The following KIAA1549 variants were observed in gnomAD, a reference collection of about 807,000 sequenced individuals.
KIAA1549 encodes UPF0606 protein KIAA1549.
A neutral mutation model predicts 156.4 loss-of-function variants in KIAA1549; 70 were observed. That is an observed-to-expected ratio of 0.45 (90% confidence interval 0.37 to 0.55). The LOEUF is 0.55. Among genes scored for constraint, KIAA1549 ranks in the 20% least tolerant of loss-of-function variants. The pLI, the probability that KIAA1549 is intolerant of heterozygous loss-of-function variation, is 0.00. For synonymous variants in KIAA1549, 1,103 were observed against 1,066.4 expected, an observed-to-expected ratio of 1.03 and a Z score of -0.67; for missense variants, 2,428 against 2,540.9, an observed-to-expected ratio of 0.96 and a Z score of 0.96.
intron 3 of KIAA1549, among the ~76,000 whole-genome samples, 179 bp downstream of exon 3, chr7:138,912,193 T>A (rs1245717534): frequency 6.6e-6 from 1 of 152,102 alleles, no homozygotes; most frequent in Non-Finnish European, 1.5e-5. Flanking sequence ...AAAGACCTCC[T>A]CGATGCAGTG....
rs1360013997 is a variant in KIAA1549, at chr7:138,919,274, A to T, written c.352T>A (p.Phe118Ile). The part of the protein sequence containing the change: ...HVTAPPSATT[F>I]DTAFFNQGKQ... ...CCTTGGTTAAAAAAGGCTGTATCAA[A>T]AGTAGTGGCAGACGGCGGGGCTGTG... Residue 118 changes from phenylalanine to isoleucine, a missense_variant, in exon 2 of 20, where the codon TTT becomes ATT. This residue lies in a region of KIAA1549 where 893 missense variants were observed against 847.9 expected (regional missense o/e 1.05). Transcript: ENST00000422774. 6.2e-7 allele frequency: 1 copy of T among 1,614,024 alleles called. No homozygotes were observed. Among genetic ancestry groups the T allele is most frequent in the Non-Finnish European group, 8.5e-7 (1 of 1,179,900 alleles).
At chr7:138,931,793 T>C (rs1338781961) in intron 1 of KIAA1549, among the ~76,000 whole-genome samples, 1 of 151,310 alleles carries the variant, frequency 6.6e-6, no homozygotes, top group Non-Finnish European at 1.5e-5. Context: ...GATTTTAATA[T>C]GGTCAAATTT....
intron 10 of KIAA1549, among the ~76,000 whole-genome samples, chr7:138,891,320 C>T (rs1219519043): frequency 2.6e-5 from 4 of 152,196 alleles, no homozygotes; most frequent in Non-Finnish European, 5.9e-5. Flanking sequence ...GAGCTCTGGT[C>T]TGACACCAGT....
intron 12 of KIAA1549, among the ~76,000 whole-genome samples, chr7:138,872,765 G>T (rs1483136162): frequency 6.6e-6 from 1 of 152,136 alleles, no homozygotes; most frequent in Non-Finnish European, 1.5e-5. Flanking sequence ...TTAGTTGGGC[G>T]TGGTGGCACA....
At chr7:138,877,137 G>A (rs1277941423) in intron 12 of KIAA1549, among the ~76,000 whole-genome samples, 4 of 152,082 alleles carry the variant, frequency 2.6e-5, no homozygotes, top group South Asian at 2.1e-4. Flanking sequence ...CTCCCTCCCC[G>A]CTCCCCACCT....
chr7:138,931,957 T>C (rs1181260262), intron 1 of KIAA1549, among the ~76,000 whole-genome samples: 1 of 152,140 alleles, frequency 6.6e-6, no homozygotes, highest in Non-Finnish European at 1.5e-5. Flanking sequence ...AGACCATGTG[T>C]TCCTGGAGGT....
chr7:138,935,600 G>C lies in KIAA1549; in HGVS notation c.188-16162C>G, dbSNP rs537168405. On this transcript the variant is annotated intron_variant, in intron 1 of 19. Transcript: ENST00000422774. The stretch of plus-strand genomic sequence containing the variant: ...AATCTTCTGTCTCCTATTACACTCA[G>C]AGCAGGAGTGGCACACGACATCCCA... 1.1e-3 allele frequency among the ~76,000 whole-genome samples: 167 copies of C among 152,258 alleles called. 1 individual carries two copies. The highest frequency in any genetic ancestry group is 3.4e-3 in the Middle Eastern group (1 of 292).
intron 10 of KIAA1549, 63 bp downstream of exon 10, chr7:138,894,279 T>C (rs1584736349): frequency 3.3e-6 from 5 of 1,518,286 alleles, no homozygotes; most frequent in East Asian, 2.3e-5. Flanking sequence ...GAGCCCAAAC[T>C]CATCCTATCC....
rs539392852 is a variant in KIAA1549, at chr7:138,918,978, C to T, written c.648G>A (p.Thr216=). The stretch of plus-strand genomic sequence containing the variant: ...ACTCAGCATATGCCGCTGGTTGTCG[C>T]GTTGTGTTCTGCCAGCCCGATGTCA... The part of the protein sequence containing the change: ...EEVTSGWQNT[T]RQPAAYAESA... The change falls in exon 2 of 20, where the codon ACG becomes ACA. Residue 216 remains threonine (T), a synonymous_variant. Coordinates refer to ENST00000422774, the MANE Select transcript of KIAA1549 (RefSeq NM_001164665.2). This position sits in a 1 kb window ranked among gnomAD's most constrained non-coding sequence, Gnocchi z 4.2. The T allele has an allele frequency of 9.9e-6, 16 of 1,613,988 alleles. No homozygotes were observed. In the Admixed American group the frequency reaches 1.5e-4, roughly 15 times the overall value.
intron 15 of KIAA1549, among the ~76,000 whole-genome samples, chr7:138,862,697 G>A (rs1563053407): frequency 2.0e-5 from 3 of 152,148 alleles, no homozygotes; most frequent in South Asian, 2.1e-4. Context: ...TTGGGAGGCC[G>A]AGATGGGTGG....
intron 10 of KIAA1549, among the ~76,000 whole-genome samples, chr7:138,890,098 T>C (rs1383809775): frequency 1.3e-5 from 2 of 152,198 alleles, no homozygotes; most frequent in African/African-American, 2.4e-5. Context: ...GTTCTTTCTC[T>C]CTTTAACATA....
At position 138,940,121 on chromosome 7, in the gene KIAA1549, C is replaced by G. The variant is rs530058053; in HGVS notation, c.188-20683G>C. Among the ~76,000 whole-genome samples the G allele has an allele frequency of 2.9e-3, 448 of 152,208 alleles. 2 individuals are homozygous for G. Among genetic ancestry groups the G allele is most frequent in the African/African-American group, 0.01 (433 of 41,514 alleles). On this transcript the variant is annotated intron_variant, in intron 1 of 19. Coordinates refer to ENST00000422774, the MANE Select transcript of KIAA1549 (RefSeq NM_001164665.2). ...GGTTCATGTGCTGCACCCATTAACTCGTCATTTATATTAGGTATATCTCCC... is the reference window on the plus strand; with the variant it reads ...GGTTCATGTGCTGCACCCATTAACTGGTCATTTATATTAGGTATATCTCCC...
intron 7 of KIAA1549, 108 bp from the exon 8 acceptor site, chr7:138,903,844 T>TCAC (rs1811923994): frequency 2.3e-6 from 1 of 429,218 alleles, no homozygotes; most frequent in Non-Finnish European, 3.5e-6. Context: ...TGTGTGTGTG[T>TCAC]GTGTGTGTGC....
Position 138,871,116 on chromosome 7 carries a change from C to T in KIAA1549, c.4551+41G>A, listed in dbSNP as rs767378051. 37 of 1,582,958 alleles carry T rather than the reference C, an allele frequency of 2.3e-5. No individual in the cohort carries two copies. In the Admixed American group the frequency reaches 4.7e-4, roughly 20 times the overall value. ...ACAGGCATAAGCCACCGGGCTTAGC[C>T]GAGTTTTTTAAGTAACAGACTTTTA... is the stretch of plus-strand genomic sequence containing the variant. On this transcript the variant is annotated intron_variant, in intron 13 of 19. Coordinates refer to ENST00000422774, the MANE Select transcript of KIAA1549 (RefSeq NM_001164665.2).
At chr7:138,927,464 C>T (rs1035972315) in intron 1 of KIAA1549, among the ~76,000 whole-genome samples, 124 of 152,190 alleles carry the variant, frequency 8.1e-4, no homozygotes, top group African/African-American at 2.9e-3. Flanking sequence ...ATAGTGAAAC[C>T]CTGTCTCTAC....
intron 12 of KIAA1549, among the ~76,000 whole-genome samples, chr7:138,872,287 A>C (rs909300856): frequency 6.6e-6 from 1 of 152,020 alleles, no homozygotes; most frequent in Non-Finnish European, 1.5e-5. Context: ...TACATGTATA[A>C]ATGGTTACAT....
chr7:138,838,120 A>T lies in KIAA1549; in HGVS notation c.5639T>A (p.Leu1880Gln). The T allele has an allele frequency of 6.5e-7, 1 of 1,531,838 alleles. No homozygotes were observed. The highest frequency in any genetic ancestry group is 8.7e-7 in the Non-Finnish European group (1 of 1,144,804). 94.9% of individuals were successfully genotyped at this position (1,531,838 alleles called of 1,614,324 possible). A position where few individuals can be genotyped will look rare whatever the true frequency, so the allele number is the denominator to read the frequency against. ...LGHQEYSSSP[L>Q]FQVPRTSGRE... ...GCCTGAAGTCCTTGGCACCTGAAAT[A>T]GCGGTGAAGAAGAATACTCTTGATG... Residue 1880 changes from leucine (L) to glutamine (Q), a missense_variant, in exon 20 of 20, where the codon CTA (leucine) becomes CAA (glutamine). Coordinates refer to ENST00000422774, the MANE Select transcript of KIAA1549 (RefSeq NM_001164665.2).
chr7:138,889,158 A>G (rs915509171), intron 10 of KIAA1549, among the ~76,000 whole-genome samples: 1 of 152,194 alleles, frequency 6.6e-6, no homozygotes. Flanking sequence ...GTTTTTAACA[A>G]ATTAGGTGGT....
At position 138,946,941 on chromosome 7, in the gene KIAA1549, G is replaced by C. The variant is rs543330841; in HGVS notation, c.188-27503C>G. 1.6e-4 allele frequency among the ~76,000 whole-genome samples: 25 copies of C among 152,348 alleles called. 1 individual carries two copies. The highest frequency in any genetic ancestry group is 3.4e-3 in the Middle Eastern group (1 of 294). On this transcript the variant is annotated intron_variant, in intron 1 of 19. Transcript: ENST00000422774. Reference sequence around the variant, plus strand: ...CTGCAGCTTTACTGCATGGCCCAGGGAGAGAGGCTGATGGGAGCAGGTAAA... The same window carrying C: ...CTGCAGCTTTACTGCATGGCCCAGGCAGAGAGGCTGATGGGAGCAGGTAAA...
Sources: allele counts gnomAD v4.1 joint callset (sites outside exome capture counted in the v4.1 genomes callset), GRCh38; gene constraint gnomAD v4.1.1; regional missense constraint gnomAD v4.1.1; non-coding constraint Gnocchi (gnomAD v3.1); transcripts MANE v1.5; gene names NCBI Gene and HGNC (gene_info 2026-07-23, HGNC 2026-07-21).